Variants in HECW2 observed in about 807,000 individuals in gnomAD.
HECW2 encodes the protein E3 ubiquitin-protein ligase HECW2.
HECW2 carries 61 observed loss-of-function variants against 175.2 expected under a neutral mutation model. That is an observed-to-expected ratio of 0.35 (90% CI 0.28 to 0.43). The LOEUF (loss-of-function observed/expected upper bound fraction) is 0.43, where lower values mean the gene tolerates loss of function less well. Among genes scored for constraint, HECW2 ranks in the 20% least tolerant of loss-of-function variants. HECW2 has a pLI of 1.00. For synonymous variants in HECW2, 671 were observed against 731.0 expected (o/e 0.92, Z 1.32); for missense variants, 1,524 against 2,000.5 (o/e 0.76, Z 4.54).
intron 3 of HECW2, among the ~76,000 whole-genome samples, chr2:196,336,422 T>C (rs983899292): frequency 2.0e-5 from 3 of 152,192 alleles, no homozygotes; most frequent in South Asian, 4.1e-4. Context: ...CATGAGCTCA[T>C]TGGTATCACA....
chr2:196,364,010 T>C (rs1456861938), intron 2 of HECW2, among the ~76,000 whole-genome samples: 1 of 152,190 alleles, frequency 6.6e-6, no homozygotes, highest in African/African-American at 2.4e-5. Context: ...GACTACTTTC[T>C]AGTTATGGAC....
At chr2:196,401,864 T>C (rs10497784) in intron 2 of HECW2, among the ~76,000 whole-genome samples, 134,074 of 152,144 alleles carry the variant, frequency 0.88, 60,375 homozygotes, top group East Asian at 1. Context: ...GGACCTACTA[T>C]GTTCTCAAAT....
At chr2:196,338,311 T>C (rs1375477544) in intron 3 of HECW2, among the ~76,000 whole-genome samples, 1 of 152,204 alleles carries the variant, frequency 6.6e-6, no homozygotes, top group Non-Finnish European at 1.5e-5. Context: ...ATGAATAAAA[T>C]ATTTCCAGAT....
At chr2:196,357,757 G>A (rs2105873243) in intron 2 of HECW2, among the ~76,000 whole-genome samples, 1 of 152,264 alleles carries the variant, frequency 6.6e-6, no homozygotes, top group East Asian at 1.9e-4. Flanking sequence ...CATGAGATCT[G>A]ATGGTTTTGT....
intron 18 of HECW2, 173 bp downstream of exon 18, chr2:196,257,650 C>T (rs549537521): frequency 1.1e-4 from 62 of 588,176 alleles, no homozygotes; most frequent in African/African-American, 9.3e-4. Flanking sequence ...CAAATGGCAA[C>T]GTGAAGTGAA....
intron 18 of HECW2, 134 bp downstream of exon 18, chr2:196,257,689 C>T (rs1689115885): frequency 3.1e-6 from 2 of 648,660 alleles, no homozygotes; most frequent in African/African-American, 3.6e-5. Flanking sequence ...CCTAAATCTT[C>T]AAAATATTTC....
intron 1 of HECW2, among the ~76,000 whole-genome samples, chr2:196,474,279 G>A (rs1405446209): frequency 6.6e-6 from 1 of 152,156 alleles, no homozygotes; most frequent in East Asian, 1.9e-4. Context: ...ACAATGAGAG[G>A]ACTATTCACA....
chr2:196,486,788 A>G (rs1687021989), intron 1 of HECW2, among the ~76,000 whole-genome samples: 1 of 152,212 alleles, frequency 6.6e-6, no homozygotes, highest in Non-Finnish European at 1.5e-5. Context: ...CCTCTTATCC[A>G]TGTGATTCCA....
rs1164886570 is a variant in HECW2, at chr2:196,575,080, C to CAAAAAAAA, written c.-36+18420_-36+18427dup. ...TGGGTAACAGAGCAAGGCCTTGTCT[C>CAAAAAAAA]AAAAAAAAAAAAAAAAAAAAAAAAA... On this transcript the variant is annotated intron_variant, in intron 1 of 28. Coordinates refer to ENST00000644978, the MANE Select transcript of HECW2 (RefSeq NM_001348768.2). 2.7e-3 allele frequency among the ~76,000 whole-genome samples: 80 copies of CAAAAAAAA among 29,840 alleles called. 2 individuals carry two copies. The highest frequency in any genetic ancestry group is 0.012 in the African/African-American group (75 of 6,420). The allele number at this position is 29,840 out of a possible 152,430, so 19.6% of individuals were successfully genotyped here. A position where few individuals can be genotyped will look rare whatever the true frequency, so the allele number is the denominator to read the frequency against.
intron 2 of HECW2, among the ~76,000 whole-genome samples, chr2:196,346,479 G>T (rs1333860034): frequency 6.6e-6 from 1 of 152,142 alleles, no homozygotes; most frequent in African/African-American, 2.4e-5. Context: ...TGCTAGTTAG[G>T]TTCATCTCTA....
chr2:196,250,706 T>G (rs1443381806), intron 19 of HECW2, among the ~76,000 whole-genome samples: 1 of 152,104 alleles, frequency 6.6e-6, no homozygotes, highest in Non-Finnish European at 1.5e-5. Flanking sequence ...TGTTTCTTCC[T>G]TCAGTGTCGT....
At chr2:196,405,047 G>A (rs1051630510) in intron 2 of HECW2, among the ~76,000 whole-genome samples, 4 of 150,280 alleles carry the variant, frequency 2.7e-5, no homozygotes, top group Admixed American at 6.6e-5. Flanking sequence ...TAGCCAGGAT[G>A]GTCTCAATCT....
intron 13 of HECW2, among the ~76,000 whole-genome samples, chr2:196,304,928 G>C (rs180819324): frequency 1.3e-3 from 195 of 152,202 alleles, no homozygotes; most frequent in African/African-American, 4.0e-3. Context: ...TTCACGAATC[G>C]ATTGTTTTGC....
intron 17 of HECW2, chr2:196,260,523 G>A (rs1468569756): frequency 6.6e-6 from 1 of 152,236 alleles, no homozygotes; most frequent in East Asian, 1.9e-4. Context: ...CAGTGGAAGA[G>A]AGAAAGTTAA....
At chr2:196,540,158 T>C (rs901988285) in intron 1 of HECW2, among the ~76,000 whole-genome samples, 1 of 152,358 alleles carries the variant, frequency 6.6e-6, no homozygotes, top group Admixed American at 6.5e-5. Context: ...ACTGTAAACA[T>C]TGTACTTCAA....
chr2:196,536,421 C>T (rs1329043833), intron 1 of HECW2, among the ~76,000 whole-genome samples: 3 of 152,166 alleles, frequency 2.0e-5, no homozygotes, highest in Non-Finnish European at 4.4e-5. Flanking sequence ...TGTCAGTGGG[C>T]ACTTGCTTTC....
chr2:196,297,128 T>G (rs1312508334), intron 13 of HECW2, among the ~76,000 whole-genome samples: 1 of 152,192 alleles, frequency 6.6e-6, no homozygotes, highest in Non-Finnish European at 1.5e-5. Context: ...ACTCGAGTAG[T>G]TAAGAGGAAT....
rs745507106 is a variant in HECW2 at position 196,216,993 on chromosome 2, A to G, written c.4494+15T>C. The G allele has an allele frequency of 6.8e-7, 1 of 1,475,736 alleles. No individual in the cohort carries two copies. The highest frequency in any genetic ancestry group is 2.6e-5 in the Admixed American group (1 of 38,716). 91.4% of individuals were successfully genotyped at this position (1,475,736 alleles called of 1,614,324 possible). A position where few individuals can be genotyped will look rare whatever the true frequency, so the allele number is the denominator to read the frequency against. Reference sequence around the variant, plus strand: ...CATATTGATACATTTAAAAGATTAAATAATGGCATCTCACCTGTAACAACC... The same window carrying G: ...CATATTGATACATTTAAAAGATTAAGTAATGGCATCTCACCTGTAACAACC... On this transcript the variant is annotated intron_variant, in intron 27 of 28. Coordinates refer to ENST00000644978, the MANE Select transcript of HECW2 (RefSeq NM_001348768.2).
At chr2:196,526,814 T>C (rs1688671403) in intron 1 of HECW2, among the ~76,000 whole-genome samples, 1 of 152,098 alleles carries the variant, frequency 6.6e-6, no homozygotes, top group Non-Finnish European at 1.5e-5. Context: ...AGGGACCCAC[T>C]TGAGGAGGCA....
Sources: gnomAD v4.1 joint callset for allele counts (sites outside exome capture counted in the v4.1 genomes callset) on GRCh38, gnomAD v4.1.1 for gene constraint, MANE v1.5 for transcripts, NCBI Gene and HGNC (gene_info 2026-07-23, HGNC 2026-07-21) for gene names.